A1CF: variants seen among roughly 807,000 people sequenced by gnomAD.
A1CF encodes the protein APOBEC1 complementation factor.
Under a neutral mutation model 68.9 loss-of-function variants are expected in A1CF, and 48 were observed. The ratio of observed to expected loss-of-function variants is 0.70; its 90% confidence interval spans 0.55 to 0.89. The LOEUF (loss-of-function observed/expected upper bound fraction) is 0.89, where lower values mean the gene tolerates loss of function less well. Ranked by LOEUF, A1CF falls within the 40% of genes least tolerant of loss-of-function variation. A1CF has a pLI of 0.00. For synonymous variants in A1CF, 272 were observed against 260.4 expected, an observed-to-expected ratio of 1.04 and a Z score of -0.43; for missense variants, 653 against 718.9, an observed-to-expected ratio of 0.91 and a Z score of 1.05.
chr10:50,826,509 GA>G (rs1838944075), intron 7 of A1CF, among the ~76,000 whole-genome samples: 1 of 152,048 alleles, frequency 6.6e-6, no homozygotes. Flanking sequence ...TTTCAACCCA[GA>G]ATTTCATATC....
intron 1 of A1CF, among the ~76,000 whole-genome samples, chr10:50,882,420 C>T (rs1183213486): frequency 6.6e-6 from 1 of 151,952 alleles, no homozygotes; most frequent in East Asian, 1.9e-4. Flanking sequence ...GGCAACAGAA[C>T]GATACTCCAT....
At chr10:50,836,837 G>T (rs1839520900) in intron 5 of A1CF, among the ~76,000 whole-genome samples, 1 of 151,794 alleles carries the variant, frequency 6.6e-6, no homozygotes, top group Non-Finnish European at 1.5e-5. Flanking sequence ...ATGGTTTCCA[G>T]TTTCATCCAT....
chr10:50,834,768 G>T lies in A1CF; in HGVS notation c.604+1306C>A, dbSNP rs10994652. ...TAATGTTCAGGATGGAGAAGTCGGA[G>T]GGTGGGGCACATGGAAGAGAAAGCA... On this transcript the variant is annotated intron_variant, in intron 6 of 12. Transcript: ENST00000373997. Among the ~76,000 whole-genome samples, 1,389 of 152,210 alleles carry T rather than the reference G, an allele frequency of 9.1e-3. 30 individuals are homozygous for T. Among genetic ancestry groups the T allele is most frequent in the African/African-American group, 0.032 (1,318 of 41,534 alleles).
rs530274518 is a variant in A1CF, at chr10:50,806,837, C to G, written c.1653G>C (p.Gln551His). 2.5e-6 allele frequency: 4 copies of G among 1,613,510 alleles called. No homozygotes were observed. In the Admixed American group the frequency reaches 6.7e-5, roughly 27 times the overall value. The stretch of plus-strand genomic sequence containing the variant: ...GTCCAAGGGTTACCGCTTGCTTGAG[C>G]TGGGCTGCAGACACGGGTGCAGTTG... ...PNATAPVSAA[Q>H]LKQAVTLGQD... The change falls in exon 13 of 13, where the codon CAG becomes CAC. Residue 551 changes from glutamine (Q) to histidine (H), a missense_variant. Transcript: ENST00000373997.
At chr10:50,883,612 T>C (rs1841876897) in intron 1 of A1CF, among the ~76,000 whole-genome samples, 1 of 152,232 alleles carries the variant, frequency 6.6e-6, no homozygotes, top group African/African-American at 2.4e-5. Context: ...AGCGATTTGG[T>C]CTTTCTTGTT....
chr10:50,803,036 C>T lies in A1CF; in HGVS notation c.*3693G>A, dbSNP rs1837668033. ...ACTTATAGTTTAATTTCTATTCCAT[C>T]ATGAAAAAGTTAAGAAACTGTGGTT... On this transcript the variant is annotated 3_prime_UTR_variant, in exon 13 of 13. Coordinates refer to ENST00000373997, the MANE Select transcript of A1CF (RefSeq NM_014576.4). 1 of 152,116 alleles carries T rather than the reference C, an allele frequency of 6.6e-6. No individual in the cohort carries two copies. Among genetic ancestry groups the T allele is most frequent in the Admixed American group, 6.6e-5 (1 of 15,258 alleles). The allele number at this position is 152,116 out of a possible 1,614,324, so 9.4% of individuals were successfully genotyped here.
intron 6 of A1CF, among the ~76,000 whole-genome samples, chr10:50,834,184 T>C (rs1839379815): frequency 6.6e-6 from 1 of 152,194 alleles, no homozygotes; most frequent in Admixed American, 6.5e-5. Context: ...ATTACTGGAT[T>C]GTCTTGACCC....
At chr10:50,855,121 T>C (rs1202494289) in intron 3 of A1CF, among the ~76,000 whole-genome samples, 1 of 151,944 alleles carries the variant, frequency 6.6e-6, no homozygotes, top group African/African-American at 2.4e-5. Flanking sequence ...TATGAGAATA[T>C]ATTTTTCTAG....
chr10:50,838,333 C>G (rs928072724), intron 5 of A1CF, among the ~76,000 whole-genome samples: 2 of 152,054 alleles, frequency 1.3e-5, no homozygotes, highest in African/African-American at 4.8e-5. Flanking sequence ...GAGTGTGGTT[C>G]TCAAGGTGAG....
At position 50,804,411 on chromosome 10, in the gene A1CF, C is replaced by T. The variant is rs1484714042; in HGVS notation, c.*2318G>A. ...TCAAACCTAATTTGCATTGACAAGA[C>T]ATCCAGAATACCCTTTGCTGTTTAT... is the stretch of plus-strand genomic sequence containing the variant. On this transcript the variant is annotated 3_prime_UTR_variant, in exon 13 of 13. Transcript: ENST00000373997. 1 of 152,146 alleles carries T rather than the reference C, an allele frequency of 6.6e-6. No individual in the cohort carries two copies. The highest frequency in any genetic ancestry group is 1.5e-5 in the Non-Finnish European group (1 of 67,994). The allele number at this position is 152,146 out of a possible 1,614,324, so 9.4% of individuals were successfully genotyped here.
intron 3 of A1CF, among the ~76,000 whole-genome samples, chr10:50,846,089 A>G (rs959831545): frequency 1.3e-5 from 2 of 152,156 alleles, no homozygotes; most frequent in Non-Finnish European, 2.9e-5. Context: ...CATATCTCAT[A>G]TTTCTAACCC....
chr10:50,816,605 T>C (rs1838383957), intron 8 of A1CF: 1 of 209,468 alleles, frequency 4.8e-6, no homozygotes, highest in Non-Finnish European at 9.6e-6. Flanking sequence ...ATATGTGTTT[T>C]AAATTACATA....
At chr10:50,815,153 C>T (rs949747184) in intron 9 of A1CF, among the ~76,000 whole-genome samples, 4 of 152,028 alleles carry the variant, frequency 2.6e-5, no homozygotes, top group African/African-American at 9.7e-5. Flanking sequence ...AGATTCATGT[C>T]GTATTTGGAG....
intron 5 of A1CF, among the ~76,000 whole-genome samples, chr10:50,839,712 C>T (rs537947428): frequency 2.9e-4 from 44 of 152,236 alleles, no homozygotes; most frequent in Non-Finnish European, 5.1e-4. Context: ...AAGTAGTTGC[C>T]GAATCCAACT....
chr10:50,878,356 G>A (rs566852021), intron 1 of A1CF, among the ~76,000 whole-genome samples: 4 of 152,190 alleles, frequency 2.6e-5, no homozygotes, highest in Admixed American at 6.5e-5. Context: ...AATGGCTAAA[G>A]TTTATGCACA....
At chr10:50,850,824 A>G (rs756706238) in intron 3 of A1CF, 7 of 1,602,432 alleles carry the variant, frequency 4.4e-6, no homozygotes, top group Non-Finnish European at 5.1e-6. Context: ...AGAAGTAATT[A>G]GGTGACAGCT....
intron 3 of A1CF, among the ~76,000 whole-genome samples, chr10:50,846,424 C>G (rs1177195243): frequency 6.6e-6 from 1 of 152,168 alleles, no homozygotes; most frequent in Non-Finnish European, 1.5e-5. Context: ...CCTGGGCAAA[C>G]TCTTTCCATT....
At position 50,843,994 on chromosome 10, in the gene A1CF, A is replaced by T. The variant is rs35967725; in HGVS notation, c.228T>A (p.Cys76Ter). 2 of 1,613,210 alleles carry T rather than the reference A, an allele frequency of 1.2e-6. No individual in the cohort carries two copies. The highest frequency in any genetic ancestry group is 1.7e-6 in the Non-Finnish European group (2 of 1,179,584). ...DLFEDELIPL[C>*]EKIGKIYEMR... Reference sequence around the variant, plus strand: ...ATGTTAAATTTGGACTCACTTTTTCACATAATGGTATAAGCTCATCCTCAA... The same window carrying T: ...ATGTTAAATTTGGACTCACTTTTTCTCATAATGGTATAAGCTCATCCTCAA... Residue 76 changes from cysteine to a stop codon, truncating the protein, a stop_gained, in exon 4 of 13, where the codon TGT becomes TGA. Transcript: ENST00000373997. LOFTEE classifies it high-confidence loss of function.
chr10:50,827,002 A>G (rs1838975437), intron 7 of A1CF, among the ~76,000 whole-genome samples: 1 of 152,210 alleles, frequency 6.6e-6, no homozygotes, highest in Non-Finnish European at 1.5e-5. Context: ...GATAAAAGAG[A>G]CTTTAAACCA....
Sources: allele counts gnomAD v4.1 joint callset (sites outside exome capture counted in the v4.1 genomes callset), GRCh38; gene constraint gnomAD v4.1.1; transcripts MANE v1.5; gene names NCBI Gene and HGNC (gene_info 2026-07-23, HGNC 2026-07-21).